SNX6: variants seen among roughly 807,000 people sequenced by gnomAD.
SNX6 encodes the protein sorting nexin-6.
A neutral mutation model predicts 63.0 loss-of-function variants in SNX6; 34 were observed. That is an observed-to-expected ratio of 0.54 (90% CI 0.41 to 0.72). The LOEUF is 0.72. SNX6 is among the 30% of genes least tolerant of loss of function. SNX6 has a pLI of 0.00. For missense variants in SNX6, 398 were observed against 471.4 expected (o/e 0.84, Z 1.44); for synonymous variants, 170 against 164.2 (o/e 1.04, Z -0.27).
At chr14:34,568,262 C>T (rs528809668) in intron 11 of SNX6, among the ~76,000 whole-genome samples, 8 of 147,730 alleles carry the variant, frequency 5.4e-5, no homozygotes, top group South Asian at 2.1e-4. Context: ...GACGGATTCT[C>T]GCTCTGTCAC....
intron 2 of SNX6, among the ~76,000 whole-genome samples, chr14:34,627,052 T>TC (rs1385183835): frequency 1.3e-5 from 2 of 152,176 alleles, no homozygotes; most frequent in African/African-American, 2.4e-5. Flanking sequence ...CCTCACTCTG[T>TC]CACCCTGGCT....
At chr14:34,610,107 G>A (rs562058133) in intron 2 of SNX6, among the ~76,000 whole-genome samples, 279 of 151,798 alleles carry the variant, frequency 1.8e-3, no homozygotes, top group African/African-American at 4.8e-3. Context: ...ACTTTAGGAG[G>A]CTGAAGCGGG....
intron 2 of SNX6, among the ~76,000 whole-genome samples, chr14:34,628,435 G>A (rs1210188947): frequency 1.3e-5 from 2 of 152,060 alleles, no homozygotes; most frequent in Admixed American, 1.3e-4. Flanking sequence ...CTCCAGTCTG[G>A]GTGACAGAGC....
chr14:34,580,336 T>C (rs1177114489), intron 10 of SNX6, among the ~76,000 whole-genome samples: 1 of 152,202 alleles, frequency 6.6e-6, no homozygotes, highest in Non-Finnish European at 1.5e-5. Flanking sequence ...ATACAGGGTC[T>C]CTGTCACCCA....
chr14:34,596,250 G>C (rs1882593431), intron 7 of SNX6, among the ~76,000 whole-genome samples: 1 of 151,048 alleles, frequency 6.6e-6, no homozygotes, highest in African/African-American at 2.4e-5. Flanking sequence ...AAATATAGGT[G>C]TTTTCCACAC....
chr14:34,601,405 A>T (rs1426874428), intron 6 of SNX6, among the ~76,000 whole-genome samples: 2 of 148,322 alleles, frequency 1.3e-5, no homozygotes, highest in East Asian at 2.0e-4. Context: ...TTTGTATTTT[A>T]AGTAGAGACG....
chr14:34,577,221 T>G (rs1881746618), intron 10 of SNX6, among the ~76,000 whole-genome samples: 1 of 152,048 alleles, frequency 6.6e-6, no homozygotes, highest in African/African-American at 2.4e-5. Context: ...TAGCTGGGAT[T>G]ACAGGTGCAC....
chr14:34,586,746 A>G (rs1174532388), intron 8 of SNX6, among the ~76,000 whole-genome samples: 1 of 122,284 alleles, frequency 8.2e-6, no homozygotes, highest in Non-Finnish European at 1.8e-5. Context: ...GCAGTAGCTC[A>G]TGCCTGTAAT....
rs1426647356 is a variant in SNX6 at position 34,562,850 on chromosome 14, A to G, written c.*272T>C. 2 of 415,458 alleles carry G rather than the reference A, an allele frequency of 4.8e-6. No homozygotes were observed. The highest frequency in any genetic ancestry group is 8.6e-6 in the Non-Finnish European group (2 of 232,520). The allele number at this position is 415,458 out of a possible 1,614,324, so 25.7% of individuals were successfully genotyped here. A position where few individuals can be genotyped will look rare whatever the true frequency, so the allele number is the denominator to read the frequency against. On this transcript the variant is annotated 3_prime_UTR_variant, in exon 14 of 14. Transcript: ENST00000362031. ...TAAAATAAACAGAGTTATAGAGGCTACTTTAAAGAAGAATGAACTTTGGAC... is the reference window on the plus strand; with the variant it reads ...TAAAATAAACAGAGTTATAGAGGCTGCTTTAAAGAAGAATGAACTTTGGAC...
intron 5 of SNX6, among the ~76,000 whole-genome samples, chr14:34,605,222 A>G (rs1882969004): frequency 1.3e-5 from 2 of 152,004 alleles, no homozygotes; most frequent in Admixed American, 1.3e-4. Flanking sequence ...AGGCTTTGTA[A>G]ATAGAAAAAA....
intron 2 of SNX6, among the ~76,000 whole-genome samples, chr14:34,610,755 T>C (rs1883197389): frequency 6.6e-6 from 1 of 152,104 alleles, no homozygotes; most frequent in Non-Finnish European, 1.5e-5. Context: ...AATAACTTGT[T>C]TGGGTAATTT....
intron 2 of SNX6, among the ~76,000 whole-genome samples, chr14:34,615,718 TC>T (rs766036925): frequency 2.0e-5 from 3 of 150,240 alleles, no homozygotes; most frequent in Non-Finnish European, 3.0e-5. Context: ...GCTTAAGCAA[TC>T]CCCTCCGTCC....
intron 8 of SNX6, among the ~76,000 whole-genome samples, chr14:34,592,484 C>A (rs888635592): frequency 2.0e-5 from 3 of 152,174 alleles, no homozygotes; most frequent in Non-Finnish European, 2.9e-5. Context: ...TACGCAGCAG[C>A]AACTTTATCC....
intron 13 of SNX6, among the ~76,000 whole-genome samples, chr14:34,566,074 G>A (rs1002389025): frequency 1.3e-5 from 2 of 152,076 alleles, no homozygotes; most frequent in African/African-American, 4.8e-5. Context: ...GGGATTAAAG[G>A]CATGAGCCAC....
chr14:34,581,590 TG>T lies in SNX6; in HGVS notation c.804del (p.Val270PhefsTer11). ...QDSTDICKFF[L>X]KVSELFDKTR... ...GTTTTATCGAACAGTTCTGAAACTT[TG>T]AGAAAAAACCTGGAAAGGAAAATAT... On this transcript the variant is annotated frameshift_variant, in exon 10 of 14. Coordinates refer to ENST00000362031, the MANE Select transcript of SNX6 (RefSeq NM_152233.4). LOFTEE classifies it high-confidence loss of function. 6.7e-7 allele frequency: 1 copy of T among 1,482,042 alleles called. No individual in the cohort carries two copies. Among genetic ancestry groups the T allele is most frequent in the Non-Finnish European group, 9.4e-7 (1 of 1,066,218 alleles). The allele number at this position is 1,482,042 out of a possible 1,614,324, so 91.8% of individuals were successfully genotyped here. A position where few individuals can be genotyped will look rare whatever the true frequency, so the allele number is the denominator to read the frequency against.
intron 4 of SNX6, among the ~76,000 whole-genome samples, chr14:34,607,277 A>G (rs1165381513): frequency 2.0e-5 from 3 of 152,054 alleles, no homozygotes. Flanking sequence ...AAAACATATC[A>G]GGCTGAGTGC....
At chr14:34,615,116 A>G (rs976222229) in intron 2 of SNX6, among the ~76,000 whole-genome samples, 1 of 150,734 alleles carries the variant, frequency 6.6e-6, no homozygotes, top group African/African-American at 2.4e-5. Context: ...GTTTCCCTTT[A>G]TTGTTTAGTT....
intron 6 of SNX6, among the ~76,000 whole-genome samples, chr14:34,597,961 C>T (rs1459459025): frequency 6.6e-6 from 1 of 152,148 alleles, no homozygotes; most frequent in Non-Finnish European, 1.5e-5. Context: ...TTGTCAAACA[C>T]TGCTATATAA....
At chr14:34,567,004 C>A (rs1294799132) in intron 13 of SNX6, among the ~76,000 whole-genome samples, 2 of 152,020 alleles carry the variant, frequency 1.3e-5, no homozygotes, top group Non-Finnish European at 2.9e-5. Context: ...AGGTGTATCA[C>A]CTCATGTCAG....
Sources: allele counts gnomAD v4.1 joint callset (sites outside exome capture counted in the v4.1 genomes callset), GRCh38; gene constraint gnomAD v4.1.1; transcripts MANE v1.5; gene names NCBI Gene and HGNC (gene_info 2026-07-23, HGNC 2026-07-21).